Variants in ID3 observed in about 807,000 individuals in gnomAD.
ID3 encodes the protein DNA-binding protein inhibitor ID-3.
Under a neutral mutation model 9.6 loss-of-function variants are expected in ID3, and 4 were observed. That is an observed-to-expected ratio of 0.42 (90% confidence interval 0.21 to 0.96). The LOEUF (loss-of-function observed/expected upper bound fraction) is 0.96, where lower values mean the gene tolerates loss of function less well. Ranked by LOEUF, ID3 falls within the 40% of genes least tolerant of loss-of-function variation. The pLI, the probability that ID3 is intolerant of heterozygous loss-of-function variation, is 0.30. For synonymous variants in ID3, 108 were observed against 75.2 expected (o/e 1.44, Z -2.26); for missense variants, 191 against 164.5 (o/e 1.16, Z -0.88).
Position 23,557,927 on chromosome 1 carries a change from A to T in ID3, c.*514T>A, listed in dbSNP as rs1643666645. The T allele has an allele frequency of 6.6e-6, 1 of 152,660 alleles. No individual in the cohort carries two copies. Among genetic ancestry groups the T allele is most frequent in the Non-Finnish European group, 1.5e-5 (1 of 68,044 alleles). 9.5% of individuals were successfully genotyped at this position (152,660 alleles called of 1,614,324 possible). A position where few individuals can be genotyped will look rare whatever the true frequency, so the allele number is the denominator to read the frequency against. The stretch of plus-strand genomic sequence containing the variant: ...TTAATGGAGACGGGTGTCATCATAT[A>T]CACAAGTGTTTAAAAATCGTTTATT... On this transcript the variant is annotated 3_prime_UTR_variant, in exon 3 of 3. Coordinates refer to ENST00000374561, the MANE Select transcript of ID3 (RefSeq NM_002167.5).
chr1:23,558,903 A>G (rs914669167), intron 2 of ID3, 32 bp downstream of exon 2: 1 of 1,492,320 alleles, frequency 6.7e-7, no homozygotes, highest in African/African-American at 1.4e-5. Context: ...CTTGCCGTTT[A>G]AACCTCCCTC....
At position 23,559,413 on chromosome 1, in the gene ID3, C is replaced by T; in HGVS notation, c.14G>A (p.Ser5Asn). Reference sequence around the variant, plus strand: ...CGCCTCGTAGCAGCCGCGCACCGGGCTCAGCGCCTTCATGCTGGGGAGTGA... The same window carrying T: ...CGCCTCGTAGCAGCCGCGCACCGGGTTCAGCGCCTTCATGCTGGGGAGTGA... MKAL[S>N]PVRGCYEAVC... Residue 5 changes from serine (S) to asparagine (N), a missense_variant, in exon 1 of 3, where the codon AGC becomes AAC. Transcript: ENST00000374561. 1 of 1,612,156 alleles carries T rather than the reference C, an allele frequency of 6.2e-7. No homozygotes were observed. The highest frequency in any genetic ancestry group is 8.5e-7 in the Non-Finnish European group (1 of 1,179,400).
chr1:23,559,117 C>T lies in ID3; in HGVS notation c.300+10G>A, dbSNP rs776260530. ...TGGGTGTTCAGCCCTGTCCCGACTTCGAGGCTTACCTGGATGGGAAGGTGG... is the reference window on the plus strand; with the variant it reads ...TGGGTGTTCAGCCCTGTCCCGACTTTGAGGCTTACCTGGATGGGAAGGTGG... On this transcript the variant is annotated intron_variant, in intron 1 of 2. Transcript: ENST00000374561. 51 of 1,613,320 alleles carry T rather than the reference C, an allele frequency of 3.2e-5. No individual in the cohort carries two copies. Among genetic ancestry groups the T allele is most frequent in the African/African-American group, 1.6e-4 (12 of 74,920 alleles).
intron 2 of ID3, 140 bp downstream of exon 2, chr1:23,558,795 T>G (rs1558286896): frequency 1.6e-6 from 1 of 624,068 alleles, no homozygotes; most frequent in South Asian, 1.9e-5. Context: ...CTGCCATTCA[T>G]TTGATGCAAC....
At position 23,558,916 on chromosome 1, in the gene ID3, CAA is replaced by C. The variant is rs764979986; in HGVS notation, c.*25+17_*25+18del. On this transcript the variant is annotated intron_variant, in intron 2 of 2. Coordinates refer to ENST00000374561, the MANE Select transcript of ID3 (RefSeq NM_002167.5). ...GACTTGCCGTTTAAACCTCCCTCTCCAAGAGAGGAGATACTCACCTGGAGGTG... is the reference window on the plus strand; with the variant it reads ...GACTTGCCGTTTAAACCTCCCTCTCCGAGAGGAGATACTCACCTGGAGGTG... 12 of 1,557,768 alleles carry C rather than the reference CAA, an allele frequency of 7.7e-6. No individual in the cohort carries two copies. Among genetic ancestry groups the C allele is most frequent in the Middle Eastern group, 1.7e-4 (1 of 5,962 alleles).
chr1:23,559,101 A>G lies in ID3; in HGVS notation c.300+26T>C, dbSNP rs1643685346. 8 of 1,612,638 alleles carry G rather than the reference A, an allele frequency of 5.0e-6. No homozygotes were observed. The African/African-American group carries it at 8.0e-5, about 16-fold the overall frequency. On this transcript the variant is annotated intron_variant, in intron 1 of 2. Coordinates refer to ENST00000374561, the MANE Select transcript of ID3 (RefSeq NM_002167.5). ...CCGCAGCATCCTTGCCTGGGTGTTC[A>G]GCCCTGTCCCGACTTCGAGGCTTAC...
chr1:23,559,178 G>A lies in ID3; in HGVS notation c.249C>T (p.Val83=), dbSNP rs1288501407. Residue 83 remains valine (V), a synonymous_variant, in exon 1 of 3, where the codon GTC becomes GTT. Transcript: ENST00000374561. ...VIDYILDLQV[V]LAEPAPGPPD... The stretch of plus-strand genomic sequence containing the variant: ...GGGGTCCAGGGGCTGGCTCGGCCAG[G>A]ACTACCTGCAGGTCGAGAATGTAGT... The A allele has an allele frequency of 6.2e-7, 1 of 1,614,214 alleles. No individual in the cohort carries two copies.
rs377385656 is a variant in ID3 at position 23,559,245 on chromosome 1, C to T, written c.182G>A (p.Gly61Asp). 9 of 1,614,078 alleles carry T rather than the reference C, an allele frequency of 5.6e-6. No individual in the cohort carries two copies. The highest frequency in any genetic ancestry group is 3.3e-4 in the Middle Eastern group (2 of 6,084). The change falls in exon 1 of 3, where the codon GGC becomes GAC. Residue 61 changes from glycine (G) to aspartate (D), a missense_variant. Physicochemically the swap from Gly to Asp is moderately conservative, Grantham distance 94 (BLOSUM62 -1). Coordinates refer to ENST00000374561, the MANE Select transcript of ID3 (RefSeq NM_002167.5). ...GATTTCCACCTGGCTAAGCTGAGTG[C>T]CTCTCGGGACTCCGGGTACCAGTTC... Reference protein sequence around the residue: ...LRELVPGVPRGTQLSQVEILQ... With the variant: ...LRELVPGVPRDTQLSQVEILQ...
rs1056080527 is a variant in ID3, at chr1:23,559,386, A to G, written c.41T>C (p.Val14Ala). 34 of 1,612,834 alleles carry G rather than the reference A, an allele frequency of 2.1e-5. No individual in the cohort carries two copies. Among genetic ancestry groups the G allele is most frequent in the Non-Finnish European group, 2.5e-5 (30 of 1,179,814 alleles). The part of the protein sequence containing the change: ...LSPVRGCYEA[V>A]CCLSERSLAI... Reference sequence around the variant, plus strand: ...CAGACTGCGTTCCGACAGGCAGCACACCGCCTCGTAGCAGCCGCGCACCGG... The same window carrying G: ...CAGACTGCGTTCCGACAGGCAGCACGCCGCCTCGTAGCAGCCGCGCACCGG... Residue 14 changes from valine to alanine, a missense_variant, in exon 1 of 3, where the codon GTG (valine) becomes GCG (alanine). Transcript: ENST00000374561.
chr1:23,558,859 T>C (rs1363467109), intron 2 of ID3, 76 bp downstream of exon 2: 18 of 942,340 alleles, frequency 1.9e-5, no homozygotes, highest in Non-Finnish European at 3.0e-5. Context: ...ACCGAGTGAG[T>C]GGCAATTTTT....
At position 23,559,367 on chromosome 1, in the gene ID3, G is replaced by C. The variant is rs1388012283; in HGVS notation, c.60C>G (p.Arg20=). 1 of 1,613,304 alleles carries C rather than the reference G, an allele frequency of 6.2e-7. No homozygotes were observed. Among genetic ancestry groups the C allele is most frequent in the Admixed American group, 1.7e-5 (1 of 60,012 alleles). Residue 20 remains arginine (R), a synonymous_variant, in exon 1 of 3, where the codon CGC becomes CGG. Transcript: ENST00000374561. ...CTCGGCCCCGGGCGATGGCCAGACT[G>C]CGTTCCGACAGGCAGCACACCGCCT... ...CYEAVCCLSE[R]SLAIARGRGK...
intron 2 of ID3, 96 bp downstream of exon 2, chr1:23,558,839 G>T: frequency 1.3e-6 from 1 of 762,714 alleles, no homozygotes; most frequent in Non-Finnish European, 2.2e-6. Context: ...TCTGGCCTCA[G>T]TTTCCCTAAA....
chr1:23,558,816 T>C (rs1328485803), intron 2 of ID3, 119 bp downstream of exon 2: 1 of 658,726 alleles, frequency 1.5e-6, no homozygotes, highest in Non-Finnish European at 2.7e-6. Context: ...CATGGGCAAG[T>C]CACTTGTCCC....
At position 23,559,446 on chromosome 1, in the gene ID3, G is replaced by T; in HGVS notation, c.-20C>A. 1 of 1,602,966 alleles carries T rather than the reference G, an allele frequency of 6.2e-7. No individual in the cohort carries two copies. On this transcript the variant is annotated 5_prime_UTR_variant, in exon 1 of 3. Transcript: ENST00000374561. ...CTTCATGCTGGGGAGTGAGTCCAGA[G>T]GTGCCCCAAAGAGAAAGAAAACCAA...
rs1643672564 is a variant in ID3, at chr1:23,558,345, T to TC, written c.*95dup. The TC allele has an allele frequency of 6.5e-6, 1 of 153,130 alleles. No homozygotes were observed. The highest frequency in any genetic ancestry group is 1.5e-5 in the Non-Finnish European group (1 of 68,754). 9.5% of individuals were successfully genotyped at this position (153,130 alleles called of 1,614,324 possible). A position where few individuals can be genotyped will look rare whatever the true frequency, so the allele number is the denominator to read the frequency against. ...GTGGGCAGGGCGAAGTTGGGGCCCATCCCTGCCGTCCGGCTTCCGGCAGGA... is the reference window on the plus strand; with the variant it reads ...GTGGGCAGGGCGAAGTTGGGGCCCATCCCCTGCCGTCCGGCTTCCGGCAGGA... On this transcript the variant is annotated 3_prime_UTR_variant, in exon 3 of 3. Transcript: ENST00000374561.
rs1345389463 is a variant in ID3 at position 23,558,898 on chromosome 1, C to T, written c.*25+37G>A. On this transcript the variant is annotated intron_variant, in intron 2 of 2. Transcript: ENST00000374561. ...AACGTCTGCCAACTCCAGGACTTGC[C>T]GTTTAAACCTCCCTCTCCAAGAGAG... is the stretch of plus-strand genomic sequence containing the variant. 4.4e-5 allele frequency: 63 copies of T among 1,437,600 alleles called. 1 individual carries two copies. The South Asian group carries it at 5.8e-4, about 13-fold the overall frequency. 89.1% of individuals were successfully genotyped at this position (1,437,600 alleles called of 1,614,324 possible).
At position 23,559,433 on chromosome 1, in the gene ID3, G is replaced by C. The variant is rs1321181827; in HGVS notation, c.-7C>G. ...CCGGGCTCAGCGCCTTCATGCTGGG[G>C]AGTGAGTCCAGAGGTGCCCCAAAGA... is the stretch of plus-strand genomic sequence containing the variant. On this transcript the variant is annotated 5_prime_UTR_variant, in exon 1 of 3. Coordinates refer to ENST00000374561, the MANE Select transcript of ID3 (RefSeq NM_002167.5). 5 of 1,611,384 alleles carry C rather than the reference G, an allele frequency of 3.1e-6. No homozygotes were observed. In the East Asian group the frequency reaches 1.1e-4, roughly 36 times the overall value.
chr1:23,559,131 A>T lies in ID3; in HGVS notation c.296T>A (p.Ile99Asn), dbSNP rs764905305. Residue 99 changes from isoleucine (I) to asparagine (N), a missense_variant, in exon 1 of 3, where the codon ATC (isoleucine) becomes AAC (asparagine). Physicochemically the swap from Ile to Asn is moderately radical, Grantham distance 149. Coordinates refer to ENST00000374561, the MANE Select transcript of ID3 (RefSeq NM_002167.5). The part of the protein sequence containing the change: ...PGPPDGPHLP[I>N]QTAELTPELV... ...TGTCCCGACTTCGAGGCTTACCTGG[A>T]TGGGAAGGTGGGGGCCATCAGGGGG... 3.1e-6 allele frequency: 5 copies of T among 1,613,602 alleles called. No homozygotes were observed. The highest frequency in any genetic ancestry group is 8.5e-7 in the Non-Finnish European group (1 of 1,179,698).
chr1:23,559,111 C>T lies in ID3; in HGVS notation c.300+16G>A, dbSNP rs764184904. ...CTTGCCTGGGTGTTCAGCCCTGTCC[C>T]GACTTCGAGGCTTACCTGGATGGGA... On this transcript the variant is annotated intron_variant, in intron 1 of 2. Coordinates refer to ENST00000374561, the MANE Select transcript of ID3 (RefSeq NM_002167.5). 1.2e-5 allele frequency: 20 copies of T among 1,613,276 alleles called. No homozygotes were observed. The highest frequency in any genetic ancestry group is 6.7e-5 in the African/African-American group (5 of 74,920).
Sources: gnomAD v4.1 joint callset for allele counts on GRCh38, gnomAD v4.1.1 for gene constraint, MANE v1.5 for transcripts, NCBI Gene and HGNC (gene_info 2026-07-23, HGNC 2026-07-21) for gene names.